The following LRP2 variants were observed in gnomAD, a reference collection of about 807,000 sequenced individuals.
The protein encoded by LRP2 is LDL receptor related protein 2.
In LRP2, 172 loss-of-function variants were observed where a neutral mutation model predicts 531.0. That is an observed-to-expected ratio of 0.32 (90% CI 0.29 to 0.37). The LOEUF (loss-of-function observed/expected upper bound fraction) is 0.37, where lower values mean the gene tolerates loss of function less well. Ranked by LOEUF, LRP2 falls within the 10% of genes least tolerant of loss-of-function variation. LRP2 has a pLI of 1.00. For synonymous variants in LRP2, 1,992 were observed against 2,027.6 expected (o/e 0.98, Z 0.47); for missense variants, 5,167 against 5,868.3 (o/e 0.88, Z 3.90).
At chr2:169,193,617 G>A in intron 47 of LRP2, 144 bp downstream of exon 47, 7 of 1,011,388 alleles carry the variant, frequency 6.9e-6, no homozygotes, top group Admixed American at 1.8e-5. Context: ...AACACTCCCA[G>A]CATGGAGAAA....
chr2:169,181,810 A>T (rs1484121594), intron 51 of LRP2, among the ~76,000 whole-genome samples, 192 bp from the exon 52 acceptor site: 4 of 152,240 alleles, frequency 2.6e-5, no homozygotes, highest in Admixed American at 1.3e-4. Flanking sequence ...GGAAGGGGAC[A>T]ATGTACAGAA....
At chr2:169,184,127 A>G (rs1362974288) in intron 50 of LRP2, among the ~76,000 whole-genome samples, 4 of 152,090 alleles carry the variant, frequency 2.6e-5, no homozygotes, top group Non-Finnish European at 4.4e-5. Context: ...AGTTTCTGAG[A>G]GAGAGGGCTG....
chr2:169,136,189 CA>C (rs1558970724), intron 76 of LRP2, among the ~76,000 whole-genome samples: 1 of 152,114 alleles, frequency 6.6e-6, no homozygotes, highest in African/African-American at 2.4e-5. Flanking sequence ...AACAACCCCA[CA>C]ATATCACCCC....
At chr2:169,256,802 T>A (rs1235271619) in intron 18 of LRP2, among the ~76,000 whole-genome samples, 4 of 152,088 alleles carry the variant, frequency 2.6e-5, no homozygotes, top group African/African-American at 9.7e-5. Context: ...GTTCAACAAA[T>A]CTGTACCCTA....
intron 4 of LRP2, among the ~76,000 whole-genome samples, chr2:169,301,402 T>TAA (rs5836230): frequency 7.0e-6 from 1 of 143,834 alleles, no homozygotes; most frequent in Non-Finnish European, 1.5e-5. Context: ...CTCTGTTCCT[T>TAA]AAAAAAAAAA....
chr2:169,361,350 G>GTCTCTCTC (rs1216824209), intron 1 of LRP2, among the ~76,000 whole-genome samples: 1 of 21,982 alleles, frequency 4.5e-5, no homozygotes, highest in East Asian at 8.1e-4. Flanking sequence ...GTCTCTCTCT[G>GTCTCTCTC]TCTCTCTCTC....
intron 19 of LRP2, among the ~76,000 whole-genome samples, 176 bp from the exon 20 acceptor site, chr2:169,247,691 T>C (rs1356880278): frequency 6.6e-6 from 1 of 152,224 alleles, no homozygotes; most frequent in Non-Finnish European, 1.5e-5. Context: ...CTAGTAATGC[T>C]CTGTGGAAGT....
chr2:169,204,562 G>A (rs762280508), intron 41 of LRP2, among the ~76,000 whole-genome samples: 4 of 152,110 alleles, frequency 2.6e-5, no homozygotes, highest in Non-Finnish European at 4.4e-5. Context: ...GTAATGCATG[G>A]AACTCAGTGT....
chr2:169,188,194 T>C lies in LRP2; in HGVS notation c.9104A>G (p.Asn3035Ser). The C allele has an allele frequency of 6.2e-7, 1 of 1,614,178 alleles. No homozygotes were observed. The highest frequency in any genetic ancestry group is 8.5e-7 in the Non-Finnish European group (1 of 1,180,026). The change falls in exon 49 of 79, where the codon AAT (asparagine) becomes AGT (serine). Residue 3035 changes from asparagine (N) to serine (S), a missense_variant. By Grantham distance (46) the Asn-to-Ser change is conservative. This residue lies in a region of LRP2 where 1,129 missense variants were observed against 1,362.7 expected (regional missense o/e 0.83). Coordinates refer to ENST00000649046, the MANE Select transcript of LRP2 (RefSeq NM_004525.3). ...RGCLYQTCQQNQFTCQNGRCI... is the reference protein window; with the variant it reads ...RGCLYQTCQQSQFTCQNGRCI... Reference sequence around the variant, plus strand: ...GCGCCCGTTCTGACAGGTAAACTGATTCTGTTGGCAAGTCTGGTATAAGCA... The same window carrying C: ...GCGCCCGTTCTGACAGGTAAACTGACTCTGTTGGCAAGTCTGGTATAAGCA...
chr2:169,315,906 T>G (rs1684747609), intron 3 of LRP2, among the ~76,000 whole-genome samples: 1 of 138,278 alleles, frequency 7.2e-6, no homozygotes, highest in African/African-American at 2.8e-5. Context: ...GTGGATCACT[T>G]CAGGCCAGGA....
chr2:169,245,182 A>G (rs560669284), intron 21 of LRP2, among the ~76,000 whole-genome samples: 11 of 152,218 alleles, frequency 7.2e-5, no homozygotes, highest in Non-Finnish European at 1.3e-4. Flanking sequence ...TTAAATCCTC[A>G]CAAGAATACT....
At chr2:169,283,459 T>C (rs1683761055) in intron 9 of LRP2, among the ~76,000 whole-genome samples, 1 of 152,234 alleles carries the variant, frequency 6.6e-6, no homozygotes, top group Non-Finnish European at 1.5e-5. Context: ...AAGTGCTCAA[T>C]AGCCACATAT....
chr2:169,318,435 A>G (rs1684824613), intron 3 of LRP2, among the ~76,000 whole-genome samples: 1 of 152,190 alleles, frequency 6.6e-6, no homozygotes, highest in Non-Finnish European at 1.5e-5. Flanking sequence ...CAAAGGACTC[A>G]TTCAGCTGTC....
intron 42 of LRP2, among the ~76,000 whole-genome samples, chr2:169,203,650 G>A (rs932899373): frequency 4.6e-5 from 7 of 152,166 alleles, no homozygotes; most frequent in African/African-American, 1.7e-4. Context: ...CCAGCTACTA[G>A]GGAGGCTGAA....
chr2:169,127,927 C>T lies in LRP2; in HGVS notation c.*736G>A, dbSNP rs948482872. ...AATTAACCACAAACTCAATGCAGGA[C>T]ACTGGCACTTAATGATATGGGATTT... is the stretch of plus-strand genomic sequence containing the variant. On this transcript the variant is annotated 3_prime_UTR_variant, in exon 79 of 79. Transcript: ENST00000649046. The T allele has an allele frequency of 6.6e-6, 1 of 152,414 alleles. No homozygotes were observed. The highest frequency in any genetic ancestry group is 6.5e-5 in the Admixed American group (1 of 15,280). The allele number at this position is 152,414 out of a possible 1,614,324, so 9.4% of individuals were successfully genotyped here.
chr2:169,160,685 A>AAAAAAAAAAAAAAAAAAAAAAACC (rs970862922), intron 63 of LRP2, among the ~76,000 whole-genome samples: 2 of 94,282 alleles, frequency 2.1e-5, no homozygotes, highest in East Asian at 2.3e-4. Context: ...ATTTCCTTAA[A>AAAAAAAAAAAAAAAAAAAAAAACC]AAAAAAAAAA....
rs1278875796 is a variant in LRP2, at chr2:169,282,988, G to A, written c.1056C>T (p.Cys352=). The A allele has an allele frequency of 1.2e-6, 2 of 1,613,860 alleles. No individual in the cohort carries two copies. Among genetic ancestry groups the A allele is most frequent in the African/African-American group, 1.3e-5 (1 of 74,876 alleles). The change falls in exon 10 of 79, where the codon TGC becomes TGT. Residue 352 remains cysteine (C), a synonymous_variant. Coordinates refer to ENST00000649046, the MANE Select transcript of LRP2 (RefSeq NM_004525.3). ...DSRTCVEFDD[C]QIWGICDQKC... ...TCTGGTCACAAATTCCCCATATCTGGCAATCATCAAACTCTGCCATATGGA... is the reference window on the plus strand; with the variant it reads ...TCTGGTCACAAATTCCCCATATCTGACAATCATCAAACTCTGCCATATGGA...
At chr2:169,205,962 C>T in intron 40 of LRP2, 61 bp downstream of exon 40, 7 of 1,600,442 alleles carry the variant, frequency 4.4e-6, no homozygotes, top group Non-Finnish European at 5.1e-6. Flanking sequence ...AACATAATTT[C>T]AGGCCCCATT....
intron 55 of LRP2, 70 bp downstream of exon 55, chr2:169,175,122 AC>A (rs934520800): frequency 6.8e-7 from 1 of 1,469,466 alleles, no homozygotes; most frequent in African/African-American, 1.4e-5. Flanking sequence ...TTCAGGAAAT[AC>A]CCACAGAATC....
Sources: gnomAD v4.1 joint callset for allele counts (sites outside exome capture counted in the v4.1 genomes callset) on GRCh38, gnomAD v4.1.1 for gene constraint, gnomAD v4.1.1 regional missense constraint, MANE v1.5 for transcripts, NCBI Gene and HGNC (gene_info 2026-07-23, HGNC 2026-07-21) for gene names.